Variants in PRAME observed in about 807,000 individuals in gnomAD.
The protein encoded by PRAME is melanoma antigen preferentially expressed in tumors.
Under a neutral mutation model 32.1 loss-of-function variants are expected in PRAME, and 21 were observed. That is an observed-to-expected ratio of 0.65 (90% CI 0.46 to 0.94). PRAME has a LOEUF of 0.94. Ranked by LOEUF, PRAME falls within the 40% of genes least tolerant of loss-of-function variation. The pLI is 0.00. For synonymous variants in PRAME, 274 were observed against 251.5 expected, an observed-to-expected ratio of 1.09 and a Z score of -0.85; for missense variants, 651 against 622.3, an observed-to-expected ratio of 1.05 and a Z score of -0.49.
At position 22,548,752 on chromosome 22, in the gene PRAME, C is replaced by T. The variant is rs16989516; in HGVS notation, c.954-109G>A. Reference sequence around the variant, plus strand: ...CAAAGTCTTCCTGATGATGGTTAACCGCCAGGATGCCATGCTGTAACGGAG... The same window carrying T: ...CAAAGTCTTCCTGATGATGGTTAACTGCCAGGATGCCATGCTGTAACGGAG... On this transcript the variant is annotated intron_variant, in intron 5 of 5. Coordinates refer to ENST00000405655, the MANE Select transcript of PRAME (RefSeq NM_206956.3). The T allele has an allele frequency of 5.6e-3, 5,543 of 992,108 alleles. 141 individuals carry two copies. The highest frequency in any genetic ancestry group is 0.053 in the Admixed American group (2,183 of 41,138). The allele number at this position is 992,108 out of a possible 1,614,324, so 61.5% of individuals were successfully genotyped here.
rs1262975468 is a variant in PRAME, at chr22:22,547,709, A to G, written c.*358T>C. Reference sequence around the variant, plus strand: ...TACTACAAGACACCAGGTGCTTCACATTGCTTCTCTTTATTTTCAACAGTT... The same window carrying G: ...TACTACAAGACACCAGGTGCTTCACGTTGCTTCTCTTTATTTTCAACAGTT... On this transcript the variant is annotated 3_prime_UTR_variant, in exon 6 of 6. Coordinates refer to ENST00000405655, the MANE Select transcript of PRAME (RefSeq NM_206956.3). The G allele has an allele frequency of 4.0e-6, 1 of 249,124 alleles. No homozygotes were observed. The highest frequency in any genetic ancestry group is 7.7e-6 in the Non-Finnish European group (1 of 130,710). 15.4% of individuals were successfully genotyped at this position (249,124 alleles called of 1,614,324 possible). A position where few individuals can be genotyped will look rare whatever the true frequency, so the allele number is the denominator to read the frequency against.
At chr22:22,548,674 G>A in intron 5 of PRAME, 31 bp from the exon 6 acceptor site, 1 of 1,523,708 alleles carries the variant, frequency 6.6e-7, no homozygotes, top group Non-Finnish European at 8.9e-7. Context: ...TAGTGCTGGG[G>A]AATGGTGGTA....
rs148402719 is a variant in PRAME at position 22,552,281 on chromosome 22, A to T, written c.22-1192T>A. Among the ~76,000 whole-genome samples the T allele has an allele frequency of 4.4e-3, 663 of 150,042 alleles. 6 individuals are homozygous for T. The highest frequency in any genetic ancestry group is 0.015 in the African/African-American group (600 of 40,122). On this transcript the variant is annotated intron_variant, in intron 3 of 5. Transcript: ENST00000405655. ...TGGAATATTTTTTAACCTTGTAGTT[A>T]AAAAAAAGCCTAACTAGTAAATCAC... is the stretch of plus-strand genomic sequence containing the variant.
rs754611624 is a variant in PRAME at position 22,551,127 on chromosome 22, C to G, written c.22-38G>C. Reference sequence around the variant, plus strand: ...ACAGGGAACAAGGCATCCCTTTCAGCCCAAGCATAAGCAACTCTATCTTTT... The same window carrying G: ...ACAGGGAACAAGGCATCCCTTTCAGGCCAAGCATAAGCAACTCTATCTTTT... On this transcript the variant is annotated intron_variant, in intron 3 of 5. Coordinates refer to ENST00000405655, the MANE Select transcript of PRAME (RefSeq NM_206956.3). 1.1e-5 allele frequency: 16 copies of G among 1,507,834 alleles called. No individual in the cohort carries two copies. In the South Asian group the frequency reaches 2.1e-4, roughly 20 times the overall value. The allele number at this position is 1,507,834 out of a possible 1,614,324, so 93.4% of individuals were successfully genotyped here.
intron 3 of PRAME, among the ~76,000 whole-genome samples, chr22:22,552,131 A>G (rs1255734778): frequency 6.6e-6 from 1 of 151,204 alleles, no homozygotes; most frequent in African/African-American, 2.4e-5. Context: ...AAAAAAAAAA[A>G]AAAGAAAAAA....
chr22:22,557,558 G>A lies in PRAME; in HGVS notation c.-91C>T, dbSNP rs924700970. On this transcript the variant is annotated 5_prime_UTR_variant, in exon 2 of 6. Coordinates refer to ENST00000405655, the MANE Select transcript of PRAME (RefSeq NM_206956.3). ...GCTCGAACTTACGTTTTTCCTCAGA[G>A]AGTTCACCACACCGCGAAGTTGCTG... The A allele has an allele frequency of 6.6e-6, 1 of 151,020 alleles. No homozygotes were observed. The highest frequency in any genetic ancestry group is 1.5e-5 in the Non-Finnish European group (1 of 68,232). 9.4% of individuals were successfully genotyped at this position (151,020 alleles called of 1,614,324 possible).
intron 3 of PRAME, 56 bp from the exon 4 acceptor site, chr22:22,551,145 T>G: frequency 4.6e-5 from 68 of 1,464,016 alleles, no homozygotes; most frequent in Non-Finnish European, 6.0e-5. Context: ...TAAGCAACTC[T>G]ATCTTTTCCT....
At chr22:22,555,528 A>G (rs974468420) in intron 3 of PRAME, among the ~76,000 whole-genome samples, 1 of 151,838 alleles carries the variant, frequency 6.6e-6, no homozygotes, top group African/African-American at 2.4e-5. Context: ...GTGAGCCACC[A>G]TGCCCAGCCT....
At chr22:22,550,697 G>T in intron 4 of PRAME, 70 bp downstream of exon 4, 1 of 1,474,732 alleles carries the variant, frequency 6.8e-7, no homozygotes, top group Non-Finnish European at 9.1e-7. Flanking sequence ...GGCGCTCCAT[G>T]CTCCCTGACC....
intron 3 of PRAME, chr22:22,552,906 A>C: frequency 8.5e-6 from 4 of 470,792 alleles, no homozygotes; most frequent in South Asian, 1.5e-5. Flanking sequence ...GCCCCTCTGA[A>C]GCTATTACAG....
intron 3 of PRAME, among the ~76,000 whole-genome samples, chr22:22,555,659 CA>C (rs2062861620): frequency 6.6e-6 from 1 of 151,782 alleles, no homozygotes; most frequent in Non-Finnish European, 1.5e-5. Context: ...TTGTGGATAC[CA>C]ACAGCACCCG....
At chr22:22,552,865 T>C (rs773523018) in intron 3 of PRAME, 2 of 470,762 alleles carry the variant, frequency 4.2e-6, no homozygotes, top group African/African-American at 4.0e-5. Flanking sequence ...GACCACAACA[T>C]TGACTCCATG....
In PRAME at chr22:22,549,858, G is replaced by C; in HGVS notation, c.821C>G (p.Ser274Cys). 6.2e-7 allele frequency: 1 copy of C among 1,613,844 alleles called. No homozygotes were observed. The highest frequency in any genetic ancestry group is 1.1e-5 in the South Asian group (1 of 91,072). ...CTCTTCCTTCTCCGGGGAAATGTAG[G>C]AAGATGCATGGATGTGGGAGAGGAG... The part of the protein sequence containing the change: ...RLLLSHIHAS[S>C]YISPEKEEQY... Residue 274 changes from serine to cysteine, a missense_variant, in exon 5 of 6, where the codon TCC becomes TGC. Transcript: ENST00000405655.
rs1321776235 is a variant in PRAME, at chr22:22,548,701, G to A, written c.954-58C>T. 4 of 1,426,740 alleles carry A rather than the reference G, an allele frequency of 2.8e-6. No homozygotes were observed. The African/African-American group carries it at 4.3e-5, about 15-fold the overall frequency. The allele number at this position is 1,426,740 out of a possible 1,614,324, so 88.4% of individuals were successfully genotyped here. ...ATGGTGGTAGTGGGGTGGGGAGACT[G>A]GAGAGAGGCCCATTTCACCAAAACC... On this transcript the variant is annotated intron_variant, in intron 5 of 5. Transcript: ENST00000405655.
intron 2 of PRAME, chr22:22,557,208 C>T (rs991185486): frequency 5.1e-5 from 14 of 272,006 alleles, no homozygotes; most frequent in South Asian, 3.0e-4. Flanking sequence ...CTTCCTAGGA[C>T]GCCTACGCCA....
Position 22,553,622 on chromosome 22 carries a change from T to C in PRAME, c.22-2533A>G, listed in dbSNP as rs141760478. Among the ~76,000 whole-genome samples the C allele has an allele frequency of 3.2e-3, 487 of 152,006 alleles. 6 individuals are homozygous for C. Among genetic ancestry groups the C allele is most frequent in the African/African-American group, 0.011 (460 of 41,476 alleles). ...GGTGTTTTCTCCCAGAAAGTCAGGA[T>C]CCTCTTGGCAAACAGCCTTGACAAG... On this transcript the variant is annotated intron_variant, in intron 3 of 5. Coordinates refer to ENST00000405655, the MANE Select transcript of PRAME (RefSeq NM_206956.3).
chr22:22,551,907 A>G (rs2062598406), intron 3 of PRAME, among the ~76,000 whole-genome samples: 1 of 151,796 alleles, frequency 6.6e-6, no homozygotes, highest in Non-Finnish European at 1.5e-5. Flanking sequence ...TGGTGAGAAC[A>G]CTTGAAATAT....
In PRAME at chr22:22,550,781, C is replaced by A; in HGVS notation, c.330G>T (p.Gln110His). 2 of 1,587,258 alleles carry A rather than the reference C, an allele frequency of 1.3e-6. No individual in the cohort carries two copies. Among genetic ancestry groups the A allele is most frequent in the Non-Finnish European group, 8.6e-7 (1 of 1,163,232 alleles). Residue 110 changes from glutamine (Q) to histidine (H), a missense_variant, in exon 4 of 6, where the codon CAG becomes CAT. Coordinates refer to ENST00000405655, the MANE Select transcript of PRAME (RefSeq NM_206956.3). ...VLDGLDVLLA[Q>H]EVRPRRWKLQ... ...GTCACCCTTACCTGGGGCGAACCTC[C>A]TGGGCAAGGAGCACATCAAGTCCAT...
intron 5 of PRAME, 134 bp downstream of exon 5, chr22:22,549,592 C>T: frequency 8.4e-7 from 1 of 1,197,018 alleles, no homozygotes; most frequent in Non-Finnish European, 1.1e-6. Flanking sequence ...CAGTGGTGAA[C>T]AAGACGTGTT....
Sources: allele counts gnomAD v4.1 joint callset (sites outside exome capture counted in the v4.1 genomes callset), GRCh38; gene constraint gnomAD v4.1.1; transcripts MANE v1.5; gene names NCBI Gene and HGNC (gene_info 2026-07-23, HGNC 2026-07-21).